The following ARHGEF37 variants were observed in gnomAD, a reference collection of about 807,000 sequenced individuals.
ARHGEF37 encodes Rho guanine nucleotide exchange factor 37, also known as Rho guanine nucleotide exchange factor (GEF) 37.
Under a neutral mutation model 71.1 loss-of-function variants are expected in ARHGEF37, and 55 were observed. The ratio of observed to expected loss-of-function variants is 0.77; its 90% CI spans 0.62 to 0.97. The LOEUF (loss-of-function observed/expected upper bound fraction) is 0.97, where lower values mean the gene tolerates loss of function less well. Ranked by LOEUF, ARHGEF37 falls within the 50% of genes least tolerant of loss-of-function variation. The pLI, the probability that ARHGEF37 is intolerant of heterozygous loss-of-function variation, is 0.00. For synonymous variants in ARHGEF37, 327 were observed against 350.6 expected (o/e 0.93, Z 0.75); for missense variants, 765 against 836.8 (o/e 0.91, Z 1.06).
At chr5:149,608,375 A>T (rs1023251475) in intron 3 of ARHGEF37, among the ~76,000 whole-genome samples, 19 of 146,158 alleles carry the variant, frequency 1.3e-4, no homozygotes, top group African/African-American at 4.3e-4. Flanking sequence ...ATGCAAACAA[A>T]TTTTTTTTTT....
At position 149,632,077 on chromosome 5, in the gene ARHGEF37, G is replaced by A. The variant is rs1379186676; in HGVS notation, c.1914G>A (p.Lys638=). 3 of 1,614,144 alleles carry A rather than the reference G, an allele frequency of 1.9e-6. No individual in the cohort carries two copies. The highest frequency in any genetic ancestry group is 2.5e-6 in the Non-Finnish European group (3 of 1,180,052). Residue 638 remains lysine, a synonymous_variant, in exon 13 of 13, where the codon AAG becomes AAA. Transcript: ENST00000333677. ...PVTILEAQDK[K]GNPEWSLVEV... ...CCATCCTGGAGGCCCAGGACAAGAA[G>A]GGGAACCCTGAGTGGAGCCTGGTGG...
chr5:149,582,655 A>G (rs988374522), intron 1 of ARHGEF37, among the ~76,000 whole-genome samples: 2 of 126,108 alleles, frequency 1.6e-5, no homozygotes, highest in Non-Finnish European at 3.3e-5. Flanking sequence ...GAATAATTTG[A>G]ATGGTTCTAG....
chr5:149,597,820 C>A lies in ARHGEF37; in HGVS notation c.51C>A (p.Asp17Glu). Residue 17 changes from aspartate to glutamate, a missense_variant, in exon 2 of 13, where the codon GAC becomes GAA. Physicochemically the swap from Asp to Glu is conservative, Grantham distance 45. Around this residue, in one of 5 missense-constraint regions of ARHGEF37, gnomAD observed 201 missense variants for 217.5 expected, o/e 0.92. Coordinates refer to ENST00000333677, the MANE Select transcript of ARHGEF37 (RefSeq NM_001001669.3). ...CATCCTCCAGGTCAGGGAGTCCGGA[C>A]AGGGAAGGTAGGGCCTCTGAGGACA... is the stretch of plus-strand genomic sequence containing the variant. ...DEPSSRSGSP[D>E]REGRASEDRS... 1 of 1,599,148 alleles carries A rather than the reference C, an allele frequency of 6.3e-7. No homozygotes were observed. Among genetic ancestry groups the A allele is most frequent in the Non-Finnish European group, 8.5e-7 (1 of 1,174,000 alleles).
chr5:149,627,014 TG>T (rs1393785051), intron 10 of ARHGEF37, 61 bp from the exon 11 acceptor site: 1 of 1,512,084 alleles, frequency 6.6e-7, no homozygotes, highest in African/African-American at 1.4e-5. Context: ...GAGCAAATGT[TG>T]GTGCCAGCTT....
intron 1 of ARHGEF37, among the ~76,000 whole-genome samples, chr5:149,552,455 A>G (rs1762691932): frequency 6.6e-6 from 1 of 152,244 alleles, no homozygotes; most frequent in Admixed American, 6.5e-5. Flanking sequence ...TGTTCACGAA[A>G]GAAAACTCCA....
intron 1 of ARHGEF37, among the ~76,000 whole-genome samples, chr5:149,556,451 A>G (rs1762758499): frequency 6.6e-6 from 1 of 151,480 alleles, no homozygotes; most frequent in African/African-American, 2.4e-5. Context: ...GCAATGGTGC[A>G]ATTTTGCCTC....
chr5:149,606,218 T>C (rs1400796789), intron 3 of ARHGEF37, among the ~76,000 whole-genome samples: 1 of 152,196 alleles, frequency 6.6e-6, no homozygotes, highest in African/African-American at 2.4e-5. Context: ...AAGCTATCTC[T>C]TAGCCAGGCC....
intron 1 of ARHGEF37, among the ~76,000 whole-genome samples, chr5:149,575,387 T>G (rs1035459436): frequency 2.0e-5 from 3 of 152,226 alleles, no homozygotes; most frequent in Non-Finnish European, 2.9e-5. Flanking sequence ...ATTCCTCTTT[T>G]TCTTTCCTCT....
intron 3 of ARHGEF37, 125 bp downstream of exon 3, chr5:149,601,356 G>A (rs1294735461): frequency 1.5e-5 from 18 of 1,217,902 alleles, no homozygotes; most frequent in Non-Finnish European, 2.0e-5. Flanking sequence ...CTGTTTTGGG[G>A]ATCTCCAAAA....
intron 11 of ARHGEF37, 30 bp from the exon 12 acceptor site, chr5:149,628,779 C>G (rs1752780422): frequency 6.3e-7 from 1 of 1,592,704 alleles, no homozygotes; most frequent in African/African-American, 1.3e-5. Context: ...AGGTGGCCCG[C>G]AGCCTGCTAA....
At chr5:149,578,611 A>G (rs1763052583), upstream of ARHGEF37, among the ~76,000 whole-genome samples, 1 of 152,232 alleles carries the variant, frequency 6.6e-6, no homozygotes, top group Admixed American at 6.5e-5. Flanking sequence ...CTGACAGTAT[A>G]CTTTTGAATT....
Position 149,628,997 on chromosome 5 carries a change from T to C in ARHGEF37, c.1818+31T>C, listed in dbSNP as rs868384250. 13 of 1,597,862 alleles carry C rather than the reference T, an allele frequency of 8.1e-6. No individual in the cohort carries two copies. The Middle Eastern group carries it at 6.7e-4, about 83-fold the overall frequency. ...TATAGGAGAGGGCTGGGGGCTTGCC[T>C]CCCATCGGCCATCCGGACTGTGGCT... On this transcript the variant is annotated intron_variant, in intron 12 of 12. Coordinates refer to ENST00000333677, the MANE Select transcript of ARHGEF37 (RefSeq NM_001001669.3).
intron 12 of ARHGEF37, among the ~76,000 whole-genome samples, chr5:149,629,216 ATTC>A (rs1752802141): frequency 3.1e-4 from 3 of 9,578 alleles, no homozygotes; most frequent in Non-Finnish European, 5.9e-4. Context: ...GGCAAGTGAG[ATTC>A]ATTCATTCAT....
upstream of ARHGEF37, among the ~76,000 whole-genome samples, chr5:149,576,621 G>A (rs1355874164): frequency 6.6e-6 from 1 of 152,030 alleles, no homozygotes; most frequent in Non-Finnish European, 1.5e-5. Flanking sequence ...GAGCCACCAC[G>A]CCCGGCCAAC....
At position 149,632,249 on chromosome 5, in the gene ARHGEF37, C is replaced by G. The variant is rs1019036086; in HGVS notation, c.*58C>G. On this transcript the variant is annotated 3_prime_UTR_variant, in exon 13 of 13. Transcript: ENST00000333677. ...ATGGGGGAGGCTTAGAGGCTCTGACCCTGGGGGGAAAAGAAGCAAAGGAAA... is the reference window on the plus strand; with the variant it reads ...ATGGGGGAGGCTTAGAGGCTCTGACGCTGGGGGGAAAAGAAGCAAAGGAAA... 1.4e-5 allele frequency: 22 copies of G among 1,570,604 alleles called. No homozygotes were observed. Among genetic ancestry groups the G allele is most frequent in the Non-Finnish European group, 1.9e-5 (22 of 1,150,462 alleles).
In ARHGEF37 at chr5:149,614,395, T is replaced by C. The variant is rs74434699; in HGVS notation, c.459-2172T>C. ...CACACTCACCCAGCTCTGTGTATCA[T>C]CTTTCAATTTCTGTTGCCTATCTGA... On this transcript the variant is annotated intron_variant, in intron 4 of 12. Transcript: ENST00000333677. Among the ~76,000 whole-genome samples the C allele has an allele frequency of 1.2e-3, 175 of 152,170 alleles. 1 individual carries two copies. In the East Asian group the frequency reaches 0.029, roughly 25 times the overall value.
At chr5:149,598,265 CTTCTTCTT>C (rs1393949095) in intron 2 of ARHGEF37, among the ~76,000 whole-genome samples, 27 of 98,486 alleles carry the variant, frequency 2.7e-4, no homozygotes, top group African/African-American at 1.2e-3. Context: ...TAAACTGACT[CTTCTTCTT>C]CTTCTTCTTC....
chr5:149,556,686 C>T (rs747419653), intron 1 of ARHGEF37, among the ~76,000 whole-genome samples: 5 of 152,002 alleles, frequency 3.3e-5, no homozygotes, highest in Non-Finnish European at 4.4e-5. Flanking sequence ...TGCACCTGGC[C>T]GTAATTTTGT....
At chr5:149,602,907 G>C (rs962248817) in intron 3 of ARHGEF37, among the ~76,000 whole-genome samples, 1 of 152,022 alleles carries the variant, frequency 6.6e-6, no homozygotes, top group African/African-American at 2.4e-5. Context: ...TGAGGATGCA[G>C]ATTAAAAACA....
Sources: allele counts gnomAD v4.1 joint callset (sites outside exome capture counted in the v4.1 genomes callset), GRCh38; gene constraint gnomAD v4.1.1; regional missense constraint gnomAD v4.1.1; transcripts MANE v1.5; gene names NCBI Gene and HGNC (gene_info 2026-07-23, HGNC 2026-07-21).